Variants in ARID1B observed in about 807,000 individuals in gnomAD.
The protein encoded by ARID1B is AT-rich interaction domain 1B.
A neutral mutation model predicts 212.3 loss-of-function variants in ARID1B; 30 were observed. That is an observed-to-expected ratio of 0.14 (90% CI 0.11 to 0.19). The LOEUF (loss-of-function observed/expected upper bound fraction) is 0.19, where lower values mean the gene tolerates loss of function less well. ARID1B is among the 10% of genes least tolerant of loss of function. The pLI is 1.00. For missense variants in ARID1B, 2,891 were observed against 3,204.0 expected (o/e 0.90, Z 2.36); for synonymous variants, 1,402 against 1,301.7 (o/e 1.08, Z -1.66).
At chr6:157,176,380 T>C (rs935625511) in intron 11 of ARID1B, among the ~76,000 whole-genome samples, 1 of 152,178 alleles carries the variant, frequency 6.6e-6, no homozygotes, top group African/African-American at 2.4e-5. Context: ...TTTTCCCTCA[T>C]AGTCTGCCCT....
chr6:156,886,703 CCATT>C (rs1787534477), intron 2 of ARID1B, among the ~76,000 whole-genome samples: 1 of 152,162 alleles, frequency 6.6e-6, no homozygotes, highest in Non-Finnish European at 1.5e-5. Context: ...GAACCAGTGG[CCATT>C]CAAAGTCTTT....
At chr6:157,100,347 T>G (rs1785974054) in intron 5 of ARID1B, among the ~76,000 whole-genome samples, 1 of 152,154 alleles carries the variant, frequency 6.6e-6, no homozygotes, top group African/African-American at 2.4e-5. Flanking sequence ...GTGTTATAAG[T>G]TCACACCCAC....
At chr6:156,852,063 A>C (rs571535344) in intron 2 of ARID1B, among the ~76,000 whole-genome samples, 1 of 152,136 alleles carries the variant, frequency 6.6e-6, no homozygotes, top group African/African-American at 2.4e-5. Flanking sequence ...GCAAGAGCAT[A>C]TAGGGACTTC....
chr6:157,065,412 T>C (rs1019279081), intron 4 of ARID1B, among the ~76,000 whole-genome samples: 1 of 152,264 alleles, frequency 6.6e-6, no homozygotes, highest in Non-Finnish European at 1.5e-5. Context: ...GATGATATTG[T>C]GGTTTATACT....
Position 156,778,964 on chromosome 6 carries a change from G to A in ARID1B, c.1284G>A (p.Ala428=), listed in dbSNP as rs1008607623. The A allele has an allele frequency of 3.3e-5, 43 of 1,286,578 alleles. No individual in the cohort carries two copies. In the African/African-American group the frequency reaches 6.0e-4, roughly 18 times the overall value. 79.7% of individuals were successfully genotyped at this position (1,286,578 alleles called of 1,614,324 possible). A position where few individuals can be genotyped will look rare whatever the true frequency, so the allele number is the denominator to read the frequency against. Residue 428 remains alanine, a synonymous_variant, in exon 1 of 20, where the codon GCG becomes GCA. Coordinates refer to ENST00000636930, the MANE Select transcript of ARID1B (RefSeq NM_001374828.1). The part of the protein sequence containing the change: ...GAGAVAAAAA[A]AAAAAGGGGG... The stretch of plus-strand genomic sequence containing the variant: ...GAGCTGTGGCGGCGGCGGCCGCGGC[G>A]GCGGCGGCAGCAGCAGGAGGCGGCG...
chr6:157,167,907 A>G (rs577094656), intron 9 of ARID1B: 1 of 152,242 alleles, frequency 6.6e-6, no homozygotes, highest in South Asian at 2.1e-4. Context: ...AATGAGTACC[A>G]CTTTTTACAT....
chr6:157,039,322 C>CTTTTTT (rs1003131791), intron 4 of ARID1B, among the ~76,000 whole-genome samples: 2,749 of 102,780 alleles, frequency 0.027, 441 homozygotes, highest in Non-Finnish European at 0.042. Context: ...TTTGACATTT[C>CTTTTTT]TTTTTTTTTT....
At chr6:157,046,367 C>G (rs367870355) in intron 4 of ARID1B, among the ~76,000 whole-genome samples, 2 of 152,136 alleles carry the variant, frequency 1.3e-5, no homozygotes, top group African/African-American at 4.8e-5. Context: ...GGGGTCTCAC[C>G]TGATGTCTGG....
chr6:157,004,881 TTTC>T (rs1422104200), intron 4 of ARID1B, among the ~76,000 whole-genome samples: 6 of 150,054 alleles, frequency 4.0e-5, no homozygotes, highest in Admixed American at 2.7e-4. Flanking sequence ...CTTTTTTCTT[TTTC>T]TTCTTCTTTT....
At chr6:157,074,577 A>T (rs1211289313) in intron 4 of ARID1B, among the ~76,000 whole-genome samples, 1 of 152,164 alleles carries the variant, frequency 6.6e-6, no homozygotes. Flanking sequence ...GTTTGGATAT[A>T]TAATTTACTT....
intron 4 of ARID1B, chr6:156,941,850 A>C (rs951194934): frequency 1.3e-5 from 2 of 152,230 alleles, no homozygotes; most frequent in Non-Finnish European, 2.9e-5. Flanking sequence ...ATTGAGAAAG[A>C]ACTATAGTTT....
chr6:157,092,686 C>A (rs9397995), intron 5 of ARID1B, among the ~76,000 whole-genome samples: 67,932 of 151,988 alleles, frequency 0.45, 15,660 homozygotes, highest in Middle Eastern at 0.56. Flanking sequence ...CAAATTCCCA[C>A]TTGGTTTTGC....
chr6:157,185,930 T>A (rs1792944145), intron 13 of ARID1B: 1 of 152,514 alleles, frequency 6.6e-6, no homozygotes, highest in Middle Eastern at 3.4e-3. Flanking sequence ...CAGGTGTCCC[T>A]TAAAAACTGG....
chr6:157,052,476 T>G (rs1443762136), intron 4 of ARID1B, among the ~76,000 whole-genome samples: 1 of 152,224 alleles, frequency 6.6e-6, no homozygotes, highest in Non-Finnish European at 1.5e-5. Context: ...ACATTCCTTG[T>G]GAAACAAAGT....
intron 4 of ARID1B, among the ~76,000 whole-genome samples, chr6:157,048,899 C>T (rs760891043): frequency 2.6e-5 from 4 of 152,264 alleles, no homozygotes; most frequent in South Asian, 2.1e-4. Context: ...TAAGGCCAGG[C>T]GCAGTGGCTC....
rs192442480 is a variant in ARID1B at position 157,079,026 on chromosome 6, C to A, written c.2248-5636C>A. Among the ~76,000 whole-genome samples, 283 of 152,294 alleles carry A rather than the reference C, an allele frequency of 1.9e-3. 2 individuals are homozygous for A. Among genetic ancestry groups the A allele is most frequent in the African/African-American group, 6.6e-3 (276 of 41,566 alleles). On this transcript the variant is annotated intron_variant, in intron 4 of 19. Coordinates refer to ENST00000636930, the MANE Select transcript of ARID1B (RefSeq NM_001374828.1). ...AGAACTAATTTTAAATTAACATCAA[C>A]CTTTTTTTCCAGCTGACCTCGTACA...
chr6:156,954,180 T>G (rs1793789060), intron 4 of ARID1B, among the ~76,000 whole-genome samples: 1 of 152,112 alleles, frequency 6.6e-6, no homozygotes, highest in African/African-American at 2.4e-5. Context: ...GAACTAAGCT[T>G]TTAAAATATT....
chr6:156,816,466 G>A (rs550360450), intron 1 of ARID1B, among the ~76,000 whole-genome samples: 1 of 152,250 alleles, frequency 6.6e-6, no homozygotes, highest in East Asian at 1.9e-4. Flanking sequence ...GGAAAATTAG[G>A]GTGAGGAAAA....
chr6:156,990,513 C>G (rs58481300), intron 4 of ARID1B, among the ~76,000 whole-genome samples: 2 of 151,848 alleles, frequency 1.3e-5, no homozygotes. Context: ...TGGTATCATG[C>G]GCCTGTAATC....
Sources: allele counts gnomAD v4.1 joint callset (sites outside exome capture counted in the v4.1 genomes callset), GRCh38; gene constraint gnomAD v4.1.1; transcripts MANE v1.5; gene names NCBI Gene and HGNC (gene_info 2026-07-23, HGNC 2026-07-21).